HLTF: variants seen among roughly 807,000 people sequenced by gnomAD.
The protein encoded by HLTF is helicase like transcription factor.
In HLTF, 127 loss-of-function variants were observed where a neutral mutation model predicts 129.4. The observed-to-expected ratio is 0.98, with a 90% confidence interval of 0.85 to 1.14. HLTF has a LOEUF of 1.14. HLTF is among the 50% of genes most tolerant of loss of function. The pLI, the probability that HLTF is intolerant of heterozygous loss-of-function variation, is 0.00. For synonymous variants in HLTF, 332 were observed against 388.8 expected (o/e 0.85, Z 1.72); for missense variants, 1,139 against 1,187.1 (o/e 0.96, Z 0.60).
chr3:149,040,839 G>A (rs953220090), intron 20 of HLTF, among the ~76,000 whole-genome samples: 23 of 152,040 alleles, frequency 1.5e-4, no homozygotes, highest in African/African-American at 5.1e-4. Flanking sequence ...ATAATTGACT[G>A]AGCTATTTAA....
At chr3:149,042,003 T>TA (rs1456450843) in intron 19 of HLTF, 163 bp downstream of exon 19, 6 of 634,038 alleles carry the variant, frequency 9.5e-6, no homozygotes, top group African/African-American at 1.8e-5. Context: ...ATTTCATTGG[T>TA]AAAAAAATTA....
intron 9 of HLTF, 56 bp from the exon 10 acceptor site, chr3:149,063,580 T>C: frequency 1.9e-6 from 2 of 1,026,780 alleles, no homozygotes; most frequent in South Asian, 2.6e-5. Flanking sequence ...TAGAAACTAG[T>C]ATTATCCCTC....
Position 149,048,860 on chromosome 3 carries a change from T to C in HLTF, c.1756+3A>G, listed in dbSNP as rs767433508. The C allele has an allele frequency of 5.6e-6, 9 of 1,610,590 alleles. No individual in the cohort carries two copies. The highest frequency in any genetic ancestry group is 5.9e-6 in the Non-Finnish European group (7 of 1,177,032). On this transcript the variant is annotated splice_donor_region_variant and intron_variant, in intron 16 of 24. Coordinates refer to ENST00000310053, the MANE Select transcript of HLTF (RefSeq NM_003071.4). ...GTTTTAGTAAGTTTAATGCTATGAT[T>C]ACCTGTCAAAACCCATCTTCTTTCT... is the stretch of plus-strand genomic sequence containing the variant.
intron 1 of HLTF, 106 bp downstream of exon 1, chr3:149,086,211 G>A (rs1720400498): frequency 1.7e-6 from 2 of 1,177,474 alleles, no homozygotes; most frequent in East Asian, 2.5e-5. Flanking sequence ...GAATACAGCT[G>A]CACAAATCGC....
rs1418176972 is a variant in HLTF at position 149,038,934 on chromosome 3, T to C, written c.2796+115A>G. ...GTTTTTGTTATTTATTTCTAAAGTT[T>C]GCCTAAGAATTTTCACAGTTAATTA... On this transcript the variant is annotated intron_variant, in intron 23 of 24. Transcript: ENST00000310053. 4 of 569,806 alleles carry C rather than the reference T, an allele frequency of 7.0e-6. No homozygotes were observed. In the African/African-American group the frequency reaches 7.7e-5, roughly 11 times the overall value. 35.3% of individuals were successfully genotyped at this position (569,806 alleles called of 1,614,324 possible).
chr3:149,035,076 G>T, intron 23 of HLTF, 78 bp from the exon 24 acceptor site: 1 of 1,028,428 alleles, frequency 9.7e-7, no homozygotes, highest in Non-Finnish European at 1.5e-6. Flanking sequence ...CATTTCACTA[G>T]TATTCATTCA....
At chr3:149,049,074 G>A in intron 15 of HLTF, 73 bp from the exon 16 acceptor site, 1 of 989,516 alleles carries the variant, frequency 1.0e-6, no homozygotes, top group East Asian at 2.6e-5. Context: ...TTGCTAACTA[G>A]TTGTTATCAT....
At position 149,063,336 on chromosome 3, in the gene HLTF, A is replaced by G. The variant is rs1402960094; in HGVS notation, c.1160+95T>C. 6.3e-6 allele frequency: 5 copies of G among 794,580 alleles called. No individual in the cohort carries two copies. The East Asian group carries it at 1.3e-4, about 21-fold the overall frequency. The allele number at this position is 794,580 out of a possible 1,614,324, so 49.2% of individuals were successfully genotyped here. On this transcript the variant is annotated intron_variant, in intron 10 of 24. Coordinates refer to ENST00000310053, the MANE Select transcript of HLTF (RefSeq NM_003071.4). ...CGGCCTCCCAAAGTGCTGGGATTAC[A>G]GGTGTGAGCCACCGTGCCCAGCCTC...
At chr3:149,081,044 T>C (rs1401052049) in intron 2 of HLTF, among the ~76,000 whole-genome samples, 2 of 152,156 alleles carry the variant, frequency 1.3e-5, no homozygotes, top group Admixed American at 6.5e-5. Context: ...TATGCTTAAA[T>C]ACACAAATGT....
intron 10 of HLTF, 116 bp from the exon 11 acceptor site, chr3:149,060,974 A>G (rs1717892605): frequency 1.5e-6 from 1 of 684,158 alleles, no homozygotes; most frequent in African/African-American, 1.8e-5. Flanking sequence ...ATTTTTTGAA[A>G]AATTTTTTAA....
At position 149,035,014 on chromosome 3, in the gene HLTF, A is replaced by C. The variant is rs1306330374; in HGVS notation, c.2797-16T>G. On this transcript the variant is annotated splice_polypyrimidine_tract_variant and intron_variant, in intron 23 of 24. Coordinates refer to ENST00000310053, the MANE Select transcript of HLTF (RefSeq NM_003071.4). ...GATTCCAGGCCTAACAAGAACATGGATGAGTTACTTTACTACTGCCCTGAT... is the reference window on the plus strand; with the variant it reads ...GATTCCAGGCCTAACAAGAACATGGCTGAGTTACTTTACTACTGCCCTGAT... 1 of 1,580,736 alleles carries C rather than the reference A, an allele frequency of 6.3e-7. No individual in the cohort carries two copies. Among genetic ancestry groups the C allele is most frequent in the Admixed American group, 1.7e-5 (1 of 59,986 alleles).
chr3:149,081,243 C>CGGTT (rs1315276700), intron 2 of HLTF, among the ~76,000 whole-genome samples: 1 of 147,402 alleles, frequency 6.8e-6, no homozygotes, highest in Non-Finnish European at 1.5e-5. Flanking sequence ...TAAACTTAAC[C>CGGTT]ATATGCTTAT....
intron 13 of HLTF, among the ~76,000 whole-genome samples, chr3:149,056,616 T>C (rs1717458715): frequency 6.6e-6 from 1 of 152,180 alleles, no homozygotes; most frequent in Non-Finnish European, 1.5e-5. Context: ...CCATAAATAG[T>C]ACCAAACCCT....
chr3:149,061,079 T>C (rs928913684), intron 10 of HLTF, among the ~76,000 whole-genome samples: 1 of 152,136 alleles, frequency 6.6e-6, no homozygotes, highest in African/African-American at 2.4e-5. Flanking sequence ...ACCACCGTTA[T>C]TGTTTTTTGA....
In HLTF at chr3:149,073,341, A is replaced by G. The variant is rs1455283422; in HGVS notation, c.530-19T>C. The G allele has an allele frequency of 1.3e-6, 2 of 1,506,310 alleles. No individual in the cohort carries two copies. Among genetic ancestry groups the G allele is most frequent in the Non-Finnish European group, 9.2e-7 (1 of 1,089,872 alleles). The allele number at this position is 1,506,310 out of a possible 1,614,324, so 93.3% of individuals were successfully genotyped here. On this transcript the variant is annotated intron_variant, in intron 4 of 24. Transcript: ENST00000310053. ...CCTAAAGCTATAATTTACAAAATAA[A>G]AAGAATAAAGCCATCAAATAAAGTA...
intron 10 of HLTF, among the ~76,000 whole-genome samples, chr3:149,062,268 T>G (rs1718016205): frequency 6.6e-6 from 1 of 152,232 alleles, no homozygotes; most frequent in African/African-American, 2.4e-5. Flanking sequence ...ACCATTATTA[T>G]TTCTATGTCC....
chr3:149,076,724 T>C (rs1401879725), intron 2 of HLTF, among the ~76,000 whole-genome samples: 3 of 152,138 alleles, frequency 2.0e-5, no homozygotes, highest in Non-Finnish European at 4.4e-5. Context: ...ATGTATATTT[T>C]TAAAAACTGA....
intron 18 of HLTF, among the ~76,000 whole-genome samples, chr3:149,043,939 T>G (rs1343881888): frequency 6.6e-6 from 1 of 152,204 alleles, no homozygotes; most frequent in East Asian, 1.9e-4. Context: ...GTGCTATACA[T>G]GAATCTGTTG....
At chr3:149,054,038 T>A (rs1717216104) in intron 14 of HLTF, among the ~76,000 whole-genome samples, 1 of 151,732 alleles carries the variant, frequency 6.6e-6, no homozygotes, top group African/African-American at 2.4e-5. Context: ...ATTTAAAAAA[T>A]AAATAAATAA....
Sources: gnomAD v4.1 joint callset for allele counts (sites outside exome capture counted in the v4.1 genomes callset) on GRCh38, gnomAD v4.1.1 for gene constraint, MANE v1.5 for transcripts, NCBI Gene and HGNC (gene_info 2026-07-23, HGNC 2026-07-21) for gene names.